SLC25A48: variants seen among roughly 807,000 people sequenced by gnomAD.
SLC25A48 encodes CTC-321K16.1.
SLC25A48 carries 29 observed loss-of-function variants against 32.2 expected under a neutral mutation model. The ratio of observed to expected loss-of-function variants is 0.90; its 90% CI spans 0.67 to 1.23. The LOEUF is 1.23. Ranked by LOEUF, SLC25A48 falls within the 50% of genes most tolerant of loss-of-function variation. The pLI is 0.00. For missense variants in SLC25A48, 399 were observed against 422.7 expected, an observed-to-expected ratio of 0.94 and a Z score of 0.49; for synonymous variants, 164 against 172.3, an observed-to-expected ratio of 0.95 and a Z score of 0.38.
At chr5:135,679,306 C>T (rs569507908) in intron 3 of SLC25A48, among the ~76,000 whole-genome samples, 2 of 152,116 alleles carry the variant, frequency 1.3e-5, no homozygotes, top group African/African-American at 2.4e-5. Flanking sequence ...TAAACTGGGC[C>T]GGGCAGTCCT....
chr5:135,758,460 A>T (rs1266417048), intron 3 of SLC25A48, among the ~76,000 whole-genome samples: 3 of 150,906 alleles, frequency 2.0e-5, no homozygotes, highest in African/African-American at 4.8e-5. Context: ...ATAGAATATG[A>T]TCTCTATGAT....
intron 1 of SLC25A48, among the ~76,000 whole-genome samples, chr5:135,610,535 A>G (rs539788145): frequency 6.6e-6 from 1 of 152,324 alleles, no homozygotes; most frequent in Admixed American, 6.5e-5. Flanking sequence ...CATTGACAGC[A>G]ATAATTTCAT....
upstream of SLC25A48, among the ~76,000 whole-genome samples, chr5:135,830,495 C>G (rs919192331): frequency 2.0e-5 from 3 of 152,346 alleles, no homozygotes. Context: ...TGCTTCACCC[C>G]CTCACTTCAC....
At chr5:135,581,067 C>T (rs1402478985) in intron 1 of SLC25A48, among the ~76,000 whole-genome samples, 1 of 152,144 alleles carries the variant, frequency 6.6e-6, no homozygotes, top group East Asian at 1.9e-4. Flanking sequence ...TATTGGTTTC[C>T]TCATCTGTGA....
intron 2 of SLC25A48, among the ~76,000 whole-genome samples, chr5:135,842,922 A>G (rs558823293): frequency 1.7e-3 from 263 of 152,322 alleles, no homozygotes; most frequent in Middle Eastern, 3.4e-3. Context: ...TGCTCTGGGA[A>G]CGGAGCCATA....
intron 3 of SLC25A48, among the ~76,000 whole-genome samples, chr5:135,771,908 C>T (rs1327631122): frequency 6.6e-6 from 1 of 151,246 alleles, no homozygotes; most frequent in Non-Finnish European, 1.5e-5. Context: ...GCTATTACTT[C>T]CAATACCACA....
At chr5:135,873,914 C>T (rs1438167340) in intron 5 of SLC25A48, 107 bp from the exon 6 acceptor site, 1 of 1,261,132 alleles carries the variant, frequency 7.9e-7, no homozygotes, top group Non-Finnish European at 1.1e-6. Context: ...GAGCTCTGTC[C>T]CTTCTCCCAG....
At chr5:135,861,376 CT>C (rs1200167388) in intron 4 of SLC25A48, among the ~76,000 whole-genome samples, 1 of 151,804 alleles carries the variant, frequency 6.6e-6, no homozygotes, top group Non-Finnish European at 1.5e-5. Context: ...AAAAATTAAG[CT>C]TCCAGAATTA....
At chr5:135,846,862 A>G (rs1759467440) in intron 2 of SLC25A48, among the ~76,000 whole-genome samples, 1 of 152,218 alleles carries the variant, frequency 6.6e-6, no homozygotes, top group African/African-American at 2.4e-5. Context: ...ACAAAATATA[A>G]CCTCATGTTA....
At chr5:135,704,001 C>T (rs772459998) in intron 3 of SLC25A48, among the ~76,000 whole-genome samples, 9 of 152,214 alleles carry the variant, frequency 5.9e-5, no homozygotes, top group Non-Finnish European at 1.2e-4. Flanking sequence ...CAAAGATTTC[C>T]ACCCTGAGGT....
In SLC25A48 at chr5:135,818,051, G is replaced by GT. The variant is rs1326560656; in HGVS notation, c.-117+5127dup. Among the ~76,000 whole-genome samples, 129 of 78,800 alleles carry GT rather than the reference G, an allele frequency of 1.6e-3. 1 individual carries two copies. The highest frequency in any genetic ancestry group is 7.5e-3 in the African/African-American group (121 of 16,032). 51.7% of individuals were successfully genotyped at this position (78,800 alleles called of 152,430 possible). Reference sequence around the variant, plus strand: ...AGAGTTTCCCAGGTTTGTTCTCTCTGTTCCTCTCTCTCTCTCTCTCTCTCT... The same window carrying GT: ...AGAGTTTCCCAGGTTTGTTCTCTCTGTTTCCTCTCTCTCTCTCTCTCTCTCT... On this transcript the variant is annotated intron_variant, in intron 4 of 10. Transcript: ENST00000646290.
intron 3 of SLC25A48, among the ~76,000 whole-genome samples, chr5:135,682,597 G>A (rs2126951396): frequency 6.6e-6 from 1 of 152,256 alleles, no homozygotes; most frequent in Non-Finnish European, 1.5e-5. Flanking sequence ...TTGGCTATGT[G>A]CAAGGCATTC....
At chr5:135,745,233 A>T (rs973526145) in intron 3 of SLC25A48, among the ~76,000 whole-genome samples, 8 of 152,232 alleles carry the variant, frequency 5.3e-5, no homozygotes, top group African/African-American at 1.7e-4. Flanking sequence ...AGCTGAAAGC[A>T]TTCCTTATGG....
intron 3 of SLC25A48, chr5:135,746,380 A>T (rs951685253): frequency 2.9e-5 from 5 of 171,214 alleles, no homozygotes; most frequent in Non-Finnish European, 6.3e-5. Context: ...ACAAGACCAC[A>T]GTTACAGCAG....
chr5:135,785,172 G>A (rs530528617), intron 3 of SLC25A48, among the ~76,000 whole-genome samples: 4 of 152,276 alleles, frequency 2.6e-5, no homozygotes, highest in African/African-American at 7.2e-5. Context: ...TGTAGGAAGG[G>A]AGATAATATC....
At chr5:135,786,241 G>A (rs1388791003) in intron 3 of SLC25A48, among the ~76,000 whole-genome samples, 1 of 152,092 alleles carries the variant, frequency 6.6e-6, no homozygotes, top group East Asian at 1.9e-4. Context: ...TATTCAGAGG[G>A]GAGAGGGTGA....
chr5:135,631,734 A>G (rs534527640), intron 2 of SLC25A48, among the ~76,000 whole-genome samples: 10 of 152,328 alleles, frequency 6.6e-5, no homozygotes, highest in Admixed American at 4.6e-4. Context: ...TCCAGAGGGG[A>G]GAATCTGTTT....
intron 2 of SLC25A48, among the ~76,000 whole-genome samples, chr5:135,632,401 A>AG (rs1478134272): frequency 2.0e-5 from 3 of 152,206 alleles, no homozygotes; most frequent in Non-Finnish European, 4.4e-5. Context: ...GGACTCAAGA[A>AG]GGGTTAGATG....
intron 4 of SLC25A48, among the ~76,000 whole-genome samples, chr5:135,858,221 TGGAGAA>T (rs1760494092): frequency 1.3e-5 from 2 of 152,150 alleles, no homozygotes; most frequent in South Asian, 4.1e-4. Context: ...TTTGGGAGCT[TGGAGAA>T]GGCTCTTAGT....
Sources: gnomAD v4.1 joint callset for allele counts (sites outside exome capture counted in the v4.1 genomes callset) on GRCh38, gnomAD v4.1.1 for gene constraint, MANE v1.5 for transcripts, NCBI Gene and HGNC (gene_info 2026-07-23, HGNC 2026-07-21) for gene names.